FRMD4A: variants seen among roughly 807,000 people sequenced by gnomAD.
FRMD4A encodes FERM domain containing 4A.
FRMD4A carries 29 observed loss-of-function variants against 129.1 expected under a neutral mutation model. The observed-to-expected ratio is 0.22, with a 90% CI of 0.17 to 0.31. The LOEUF (loss-of-function observed/expected upper bound fraction) is 0.31. Ranked by LOEUF, FRMD4A falls within the 10% of genes least tolerant of loss-of-function variation. The probability of loss-of-function intolerance (pLI) is 1.00; values close to 1 mark genes in which losing one functional copy is unlikely to be tolerated. For missense variants in FRMD4A, 1,272 were observed against 1,375.8 expected, an observed-to-expected ratio of 0.92 and a Z score of 1.19; for synonymous variants, 634 against 571.6, an observed-to-expected ratio of 1.11 and a Z score of -1.56.
intron 2 of FRMD4A, among the ~76,000 whole-genome samples, chr10:14,291,142 A>G (rs1845839428): frequency 1.3e-5 from 2 of 152,180 alleles, no homozygotes; most frequent in South Asian, 4.1e-4. Context: ...ATAAAGATAG[A>G]AAGAATGAAG....
chr10:14,100,581 T>C (rs959819359), intron 2 of FRMD4A, among the ~76,000 whole-genome samples: 3 of 152,152 alleles, frequency 2.0e-5, no homozygotes, highest in Non-Finnish European at 4.4e-5. Flanking sequence ...GGATCTGGGA[T>C]ATTTTATTTT....
intron 6 of FRMD4A, among the ~76,000 whole-genome samples, chr10:13,773,522 T>C (rs1214334986): frequency 6.6e-6 from 1 of 152,250 alleles, no homozygotes; most frequent in African/African-American, 2.4e-5. Flanking sequence ...AATTTTCTTT[T>C]CTCTCTGAAG....
At chr10:13,832,840 A>C (rs888713525) in intron 3 of FRMD4A, among the ~76,000 whole-genome samples, 3 of 152,116 alleles carry the variant, frequency 2.0e-5, no homozygotes, top group Non-Finnish European at 4.4e-5. Flanking sequence ...GGGTCTTGCT[A>C]TGTTGCCCAG....
At chr10:14,232,972 A>T (rs1843685819) in intron 2 of FRMD4A, among the ~76,000 whole-genome samples, 1 of 152,098 alleles carries the variant, frequency 6.6e-6, no homozygotes, top group African/African-American at 2.4e-5. Context: ...CTACAGATAG[A>T]GTTGTAGAGT....
chr10:13,932,998 T>C (rs555221290), intron 2 of FRMD4A, among the ~76,000 whole-genome samples: 1 of 152,096 alleles, frequency 6.6e-6, no homozygotes, highest in Non-Finnish European at 1.5e-5. Flanking sequence ...CTGTCTCTAC[T>C]AAATATATAA....
At chr10:14,001,492 A>C (rs2095642674) in intron 2 of FRMD4A, among the ~76,000 whole-genome samples, 1 of 152,194 alleles carries the variant, frequency 6.6e-6, no homozygotes, top group African/African-American at 2.4e-5. Flanking sequence ...GAGGAATGAA[A>C]ACTCTGGAGT....
chr10:13,821,263 C>A lies in FRMD4A; in HGVS notation c.112-10355G>T, dbSNP rs1166050732. Among the ~76,000 whole-genome samples, 34 of 152,152 alleles carry A rather than the reference C, an allele frequency of 2.2e-4. No individual in the cohort carries two copies. Among genetic ancestry groups the A allele is most frequent in the Admixed American group, 2.2e-3 (34 of 15,280 alleles). On this transcript the variant is annotated intron_variant, in intron 3 of 24. Coordinates refer to ENST00000357447, the MANE Select transcript of FRMD4A (RefSeq NM_018027.5). This position sits in a 1 kb window ranked among gnomAD's most constrained non-coding sequence, Gnocchi z 4.3. Reference sequence around the variant, plus strand: ...GCTGGTTTCCTTCCTGCCTCTCCAGCACAGCCCTGGGTTCTGTGGCAGGGG... The same window carrying A: ...GCTGGTTTCCTTCCTGCCTCTCCAGAACAGCCCTGGGTTCTGTGGCAGGGG...
intron 2 of FRMD4A, among the ~76,000 whole-genome samples, chr10:13,924,378 C>T (rs1393301593): frequency 6.6e-6 from 1 of 151,166 alleles, no homozygotes; most frequent in African/African-American, 2.4e-5. Flanking sequence ...CTTTCTACCC[C>T]ATCTTATCTC....
intron 2 of FRMD4A, among the ~76,000 whole-genome samples, chr10:14,044,115 C>A (rs528131069): frequency 6.6e-6 from 1 of 152,320 alleles, no homozygotes; most frequent in Admixed American, 6.5e-5. Context: ...AGGTATGAAC[C>A]ACTGTGTCCT....
At chr10:14,252,488 C>T (rs1028917130) in intron 2 of FRMD4A, among the ~76,000 whole-genome samples, 3 of 152,202 alleles carry the variant, frequency 2.0e-5, no homozygotes, top group African/African-American at 7.2e-5. Flanking sequence ...TTCTGAAGAG[C>T]ATAGGCCAAG....
chr10:14,292,351 A>C (rs1845875717), intron 2 of FRMD4A, among the ~76,000 whole-genome samples: 1 of 152,240 alleles, frequency 6.6e-6, no homozygotes, highest in Non-Finnish European at 1.5e-5. Flanking sequence ...GCTTATATGG[A>C]GATTTGTCAC....
At chr10:14,058,263 C>G (rs1834636607) in intron 2 of FRMD4A, among the ~76,000 whole-genome samples, 1 of 152,110 alleles carries the variant, frequency 6.6e-6, no homozygotes, top group African/African-American at 2.4e-5. Context: ...CATTTAGGGT[C>G]AATCTGAAGT....
At chr10:14,295,337 G>T in intron 2 of FRMD4A, among the ~76,000 whole-genome samples, 1 of 152,132 alleles carries the variant, frequency 6.6e-6, no homozygotes, top group East Asian at 1.9e-4. Context: ...ACTTTTATTT[G>T]ATTTTTTTAA....
At chr10:14,206,491 A>G (rs1842784059) in intron 2 of FRMD4A, among the ~76,000 whole-genome samples, 1 of 152,118 alleles carries the variant, frequency 6.6e-6, no homozygotes, top group African/African-American at 2.4e-5. Context: ...GTTCCATATT[A>G]AAACCTAATC....
At chr10:13,858,495 A>G (rs1282886426) in intron 3 of FRMD4A, among the ~76,000 whole-genome samples, 1 of 152,242 alleles carries the variant, frequency 6.6e-6, no homozygotes, top group South Asian at 2.1e-4. Flanking sequence ...ATCCCCTCTG[A>G]GCAAGGAAGA....
intron 2 of FRMD4A, among the ~76,000 whole-genome samples, chr10:14,303,892 C>G (rs140966739): frequency 1.3e-5 from 2 of 152,086 alleles, no homozygotes; most frequent in African/African-American, 2.4e-5. Context: ...TGCTATTTGT[C>G]CTTTTGTGTC....
chr10:13,943,675 A>AAAAAAAAAAAAAAAAAAAAG (rs2095310696), intron 2 of FRMD4A, among the ~76,000 whole-genome samples: 1 of 123,702 alleles, frequency 8.1e-6, no homozygotes, highest in Non-Finnish European at 1.8e-5. Context: ...AAAAAAAAAA[A>AAAAAAAAAAAAAAAAAAAAG]AAAAGAAAAA....
intron 2 of FRMD4A, among the ~76,000 whole-genome samples, chr10:14,133,503 C>A (rs556099432): frequency 3.5e-4 from 54 of 152,316 alleles, no homozygotes; most frequent in African/African-American, 1.2e-3. Context: ...ACTACACCCA[C>A]TTGGCCACCA....
At chr10:13,710,992 C>G (rs946984357) in intron 12 of FRMD4A, among the ~76,000 whole-genome samples, 1 of 152,066 alleles carries the variant, frequency 6.6e-6, no homozygotes, top group African/African-American at 2.4e-5. Context: ...CCAGCCTGGG[C>G]GACACAGCAA....
Sources: allele counts gnomAD v4.1 joint callset (sites outside exome capture counted in the v4.1 genomes callset), GRCh38; gene constraint gnomAD v4.1.1; non-coding constraint Gnocchi (gnomAD v3.1); transcripts MANE v1.5; gene names NCBI Gene and HGNC (gene_info 2026-07-23, HGNC 2026-07-21).